The following LRRC4C variants were observed in gnomAD, a reference collection of about 807,000 sequenced individuals.
LRRC4C encodes leucine-rich repeat-containing protein 4C.
Under a neutral mutation model 33.6 loss-of-function variants are expected in LRRC4C, and 5 were observed. The observed-to-expected ratio is 0.15, with a 90% CI of 0.08 to 0.31. The LOEUF is 0.31. LRRC4C is among the 10% of genes least tolerant of loss of function. LRRC4C has a pLI of 1.00. For synonymous variants in LRRC4C, 329 were observed against 302.0 expected (o/e 1.09, Z -0.93); for missense variants, 560 against 796.7 (o/e 0.70, Z 3.58).
At chr11:40,971,844 A>G (rs1226122592) in intron 1 of LRRC4C, among the ~76,000 whole-genome samples, 1 of 152,146 alleles carries the variant, frequency 6.6e-6, no homozygotes, top group Non-Finnish European at 1.5e-5. Context: ...TGTCAGACAG[A>G]AAGTCAAGGA....
At chr11:40,448,005 C>T (rs893670281) in intron 3 of LRRC4C, among the ~76,000 whole-genome samples, 2 of 151,956 alleles carry the variant, frequency 1.3e-5, no homozygotes, top group South Asian at 2.1e-4. Flanking sequence ...TTAGTAGAGG[C>T]GGGGTTTCAC....
chr11:40,917,186 A>T lies in LRRC4C; in HGVS notation c.-407+16449T>A, dbSNP rs868189908. Among the ~76,000 whole-genome samples the T allele has an allele frequency of 2.0e-5, 3 of 152,208 alleles. No individual in the cohort carries two copies. The South Asian group carries it at 6.2e-4, about 32-fold the overall frequency. ...TTAAATTTTCATTTGTAAGTTCCAA[A>T]GTTTTGGAGTGACACCTCTAATCCA... On this transcript the variant is annotated intron_variant, in intron 2 of 6. Coordinates refer to ENST00000528697, the MANE Select transcript of LRRC4C (RefSeq NM_001258419.2).
chr11:40,685,211 T>C (rs999826647), intron 2 of LRRC4C, among the ~76,000 whole-genome samples: 2 of 152,092 alleles, frequency 1.3e-5, no homozygotes, highest in African/African-American at 2.4e-5. Flanking sequence ...CACCTCTTCT[T>C]TGAAGGCCAA....
chr11:40,183,528 C>T (rs567999091), intron 5 of LRRC4C, among the ~76,000 whole-genome samples: 1 of 152,330 alleles, frequency 6.6e-6, no homozygotes, highest in East Asian at 1.9e-4. Context: ...AGGCTGACCA[C>T]TGTTCCGGTG....
chr11:40,643,993 TG>T (rs890735227), intron 3 of LRRC4C, among the ~76,000 whole-genome samples: 1 of 151,564 alleles, frequency 6.6e-6, no homozygotes, highest in African/African-American at 2.4e-5. Flanking sequence ...TAAAATGAAA[TG>T]GAAAAAAAAC....
At position 40,706,083 on chromosome 11, in the gene LRRC4C, C is replaced by T. The variant is rs192789163; in HGVS notation, c.-406-57805G>A. On this transcript the variant is annotated intron_variant, in intron 2 of 6. Coordinates refer to ENST00000528697, the MANE Select transcript of LRRC4C (RefSeq NM_001258419.2). ...ATTTTTTTTTCTTGTAAATTTGTTC[C>T]AGTTCTTTGTAGATTCTGGATATTA... Among the ~76,000 whole-genome samples the T allele has an allele frequency of 3.1e-3, 465 of 151,788 alleles. 2 individuals are homozygous for T. Among genetic ancestry groups the T allele is most frequent in the Non-Finnish European group, 5.1e-3 (343 of 67,858 alleles).
At chr11:40,355,328 G>A (rs183936495) in intron 3 of LRRC4C, among the ~76,000 whole-genome samples, 159 of 152,194 alleles carry the variant, frequency 1.0e-3, no homozygotes, top group African/African-American at 2.0e-3. Flanking sequence ...ACCACTGCTG[G>A]TGTCTCACTA....
chr11:40,890,117 G>C (rs904144548), intron 2 of LRRC4C, among the ~76,000 whole-genome samples: 1 of 152,086 alleles, frequency 6.6e-6, no homozygotes, highest in African/African-American at 2.4e-5. Flanking sequence ...TTAAGATGGA[G>C]AATTGACATT....
chr11:40,836,979 C>T (rs2135594040), intron 2 of LRRC4C, among the ~76,000 whole-genome samples: 1 of 152,218 alleles, frequency 6.6e-6, no homozygotes, highest in South Asian at 2.1e-4. Context: ...AGTGACATGG[C>T]CTGTAATAAA....
At chr11:40,311,845 T>C (rs752981704) in intron 4 of LRRC4C, among the ~76,000 whole-genome samples, 4 of 148,314 alleles carry the variant, frequency 2.7e-5, no homozygotes, top group Non-Finnish European at 5.9e-5. Context: ...CTTGGGAGGC[T>C]GAGGCAGGAG....
chr11:41,214,436 A>G (rs1946949065), intron 1 of LRRC4C, among the ~76,000 whole-genome samples: 1 of 151,722 alleles, frequency 6.6e-6, no homozygotes, highest in Non-Finnish European at 1.5e-5. Flanking sequence ...AACTACCTAC[A>G]CTTAAAAATA....
rs189595541 is a variant in LRRC4C, at chr11:40,753,035, C to T, written c.-406-104757G>A. ...AAGTCAGGCACTGAAAGACAAGTACCAGAAGTTCTCATTCTTAATTTTATT... is the reference window on the plus strand; with the variant it reads ...AAGTCAGGCACTGAAAGACAAGTACTAGAAGTTCTCATTCTTAATTTTATT... On this transcript the variant is annotated intron_variant, in intron 2 of 6. Coordinates refer to ENST00000528697, the MANE Select transcript of LRRC4C (RefSeq NM_001258419.2). 4.7e-3 allele frequency among the ~76,000 whole-genome samples: 715 copies of T among 152,066 alleles called. 6 individuals carry two copies. Among genetic ancestry groups the T allele is most frequent in the Non-Finnish European group, 6.1e-3 (417 of 67,940 alleles).
At chr11:40,929,917 T>TC (rs1957548407) in intron 2 of LRRC4C, among the ~76,000 whole-genome samples, 2 of 152,190 alleles carry the variant, frequency 1.3e-5, no homozygotes, top group African/African-American at 4.8e-5. Context: ...TATTCAGCTC[T>TC]ACTAGCCATA....
At chr11:40,513,077 G>A (rs977516905) in intron 3 of LRRC4C, among the ~76,000 whole-genome samples, 3 of 151,528 alleles carry the variant, frequency 2.0e-5, no homozygotes, top group Admixed American at 1.3e-4. Context: ...GTGAAACCCC[G>A]TCTCTACTAC....
intron 1 of LRRC4C, among the ~76,000 whole-genome samples, chr11:41,391,354 T>C (rs1208559114): frequency 1.3e-5 from 2 of 151,798 alleles, no homozygotes; most frequent in Non-Finnish European, 2.9e-5. Flanking sequence ...ACTGGGGATA[T>C]GTAGATCAAA....
intron 2 of LRRC4C, among the ~76,000 whole-genome samples, chr11:40,651,728 A>G (rs898330702): frequency 1.3e-5 from 2 of 151,574 alleles, no homozygotes; most frequent in Non-Finnish European, 2.9e-5. Context: ...TAACTGCTAG[A>G]AATGCAAAAT....
chr11:40,520,064 C>A (rs187514585), intron 3 of LRRC4C, among the ~76,000 whole-genome samples: 293 of 152,282 alleles, frequency 1.9e-3, no homozygotes, highest in Non-Finnish European at 3.7e-3. Flanking sequence ...GCAACTAAGT[C>A]GAAGCCAATG....
intron 1 of LRRC4C, chr11:41,426,144 A>G (rs557727105): frequency 6.6e-6 from 1 of 152,350 alleles, no homozygotes; most frequent in Non-Finnish European, 1.5e-5. Flanking sequence ...GGAATCACGG[A>G]ATGAAGCCAG....
intron 1 of LRRC4C, among the ~76,000 whole-genome samples, chr11:40,983,861 ATGT>A (rs1852720888): frequency 6.6e-6 from 1 of 152,186 alleles, no homozygotes; most frequent in Non-Finnish European, 1.5e-5. Context: ...ATTGATGAAA[ATGT>A]TCTATTTCAG....
Sources: allele counts gnomAD v4.1 joint callset (sites outside exome capture counted in the v4.1 genomes callset), GRCh38; gene constraint gnomAD v4.1.1; transcripts MANE v1.5; gene names NCBI Gene and HGNC (gene_info 2026-07-23, HGNC 2026-07-21).